ITGA9: variants seen among roughly 807,000 people sequenced by gnomAD.
ITGA9 encodes the protein integrin subunit alpha 9, also known as integrin alpha-9.
A neutral mutation model predicts 127.8 loss-of-function variants in ITGA9; 56 were observed. That is an observed-to-expected ratio of 0.44 (90% confidence interval 0.35 to 0.55). ITGA9 has a LOEUF of 0.55. Ranked by LOEUF, ITGA9 falls within the 20% of genes least tolerant of loss-of-function variation. The pLI, the probability that ITGA9 is intolerant of heterozygous loss-of-function variation, is 0.00. For synonymous variants in ITGA9, 508 were observed against 514.5 expected (o/e 0.99, Z 0.17); for missense variants, 1,196 against 1,347.1 (o/e 0.89, Z 1.76).
chr3:37,750,052 C>T (rs935186846), intron 22 of ITGA9, among the ~76,000 whole-genome samples: 1 of 150,506 alleles, frequency 6.6e-6, no homozygotes, highest in Admixed American at 6.6e-5. Flanking sequence ...CCATACCCCC[C>T]CACCAAAATG....
Position 37,787,769 on chromosome 3 carries a change from T to G in ITGA9, c.2889+2691T>G, listed in dbSNP as rs188964665. 3.4e-4 allele frequency among the ~76,000 whole-genome samples: 52 copies of G among 152,348 alleles called. No individual in the cohort carries two copies. In the East Asian group the frequency reaches 9.8e-3, roughly 29 times the overall value. On this transcript the variant is annotated intron_variant, in intron 26 of 27. Transcript: ENST00000264741. ...ATTTCCATAGAGCCTCGCCACCAAA[T>G]TTAAATTAGGCAAAGTTTCAAAGAT...
At chr3:37,735,493 C>T (rs1696348901) in intron 19 of ITGA9, among the ~76,000 whole-genome samples, 1 of 152,214 alleles carries the variant, frequency 6.6e-6, no homozygotes, top group African/African-American at 2.4e-5. Flanking sequence ...TAGACCATTG[C>T]CTAGAATTCA....
chr3:37,815,712 C>CA (rs897352908), intron 27 of ITGA9, among the ~76,000 whole-genome samples: 3 of 151,736 alleles, frequency 2.0e-5, no homozygotes, highest in Non-Finnish European at 2.9e-5. Flanking sequence ...ATTAAGTCAG[C>CA]AAAAAAAATA....
chr3:37,775,660 AG>A (rs1290150164), intron 23 of ITGA9, among the ~76,000 whole-genome samples: 8 of 145,432 alleles, frequency 5.5e-5, no homozygotes, highest in African/African-American at 1.5e-4. Context: ...AAAAAAAAAA[AG>A]CAAAAGTCAA....
chr3:37,667,313 CT>C (rs1700595692), intron 17 of ITGA9, among the ~76,000 whole-genome samples: 1 of 152,178 alleles, frequency 6.6e-6, no homozygotes, highest in African/African-American at 2.4e-5. Context: ...CGTCTGGACC[CT>C]TTTTTCCCCT....
chr3:37,703,037 TG>T (rs748036414), intron 18 of ITGA9, among the ~76,000 whole-genome samples: 1 of 152,180 alleles, frequency 6.6e-6, no homozygotes, highest in Non-Finnish European at 1.5e-5. Context: ...ACTCCCTTAC[TG>T]GTCTCCCTGG....
intron 17 of ITGA9, among the ~76,000 whole-genome samples, chr3:37,675,000 C>T (rs1342726240): frequency 6.6e-6 from 1 of 152,210 alleles, no homozygotes; most frequent in Non-Finnish European, 1.5e-5. Flanking sequence ...AGTGACAGGC[C>T]TCACTCACTG....
chr3:37,739,808 G>T (rs528379345), intron 20 of ITGA9, among the ~76,000 whole-genome samples: 1 of 152,276 alleles, frequency 6.6e-6, no homozygotes, highest in East Asian at 1.9e-4. Context: ...GACCTGGCAG[G>T]ATGCTGGGGT....
At chr3:37,510,364 G>A (rs993543405) in intron 8 of ITGA9, among the ~76,000 whole-genome samples, 1 of 151,990 alleles carries the variant, frequency 6.6e-6, no homozygotes, top group Admixed American at 6.6e-5. Context: ...TTGTAGCTGT[G>A]CCCCCCCAAA....
intron 22 of ITGA9, among the ~76,000 whole-genome samples, chr3:37,746,655 T>G (rs921617769): frequency 1.3e-5 from 2 of 149,782 alleles, no homozygotes; most frequent in Admixed American, 6.7e-5. Context: ...AGGATGTTTC[T>G]TTTTAATTCT....
chr3:37,514,254 A>G (rs1698962782), intron 9 of ITGA9, among the ~76,000 whole-genome samples: 1 of 152,206 alleles, frequency 6.6e-6, no homozygotes, highest in Non-Finnish European at 1.5e-5. Context: ...CAGAGAGGTT[A>G]GGTAATGTGT....
intron 18 of ITGA9, among the ~76,000 whole-genome samples, chr3:37,707,456 T>C (rs796116650): frequency 1.2e-4 from 19 of 152,344 alleles, no homozygotes; most frequent in African/African-American, 4.6e-4. Flanking sequence ...TGCAGTACCC[T>C]CAAGTACTTT....
At chr3:37,691,061 C>T (rs1410117299) in intron 18 of ITGA9, among the ~76,000 whole-genome samples, 1 of 152,140 alleles carries the variant, frequency 6.6e-6, no homozygotes, top group African/African-American at 2.4e-5. Flanking sequence ...AGTACTCCTG[C>T]CCTCCCATAT....
chr3:37,576,174 G>C (rs531637104), intron 15 of ITGA9, among the ~76,000 whole-genome samples: 27 of 152,314 alleles, frequency 1.8e-4, no homozygotes, highest in South Asian at 1.2e-3. Context: ...TCATCCTCCA[G>C]GGAGGACATA....
chr3:37,633,810 A>G (rs1232044834), intron 16 of ITGA9, among the ~76,000 whole-genome samples: 1 of 151,930 alleles, frequency 6.6e-6, no homozygotes, highest in Non-Finnish European at 1.5e-5. Flanking sequence ...CCTGCAGCTC[A>G]CTCCCACTGC....
At chr3:37,742,274 C>G (rs1422798042) in intron 21 of ITGA9, among the ~76,000 whole-genome samples, 1 of 152,166 alleles carries the variant, frequency 6.6e-6, no homozygotes, top group Non-Finnish European at 1.5e-5. Context: ...GCTCCACAGG[C>G]AGTGCTGGCT....
At chr3:37,709,583 G>C (rs915362839) in intron 18 of ITGA9, among the ~76,000 whole-genome samples, 3 of 152,228 alleles carry the variant, frequency 2.0e-5, no homozygotes, top group African/African-American at 7.2e-5. Flanking sequence ...GCAGCATTGC[G>C]GGAGGGCTCT....
chr3:37,672,791 A>G (rs1700649433), intron 17 of ITGA9, among the ~76,000 whole-genome samples: 1 of 152,164 alleles, frequency 6.6e-6, no homozygotes, highest in Non-Finnish European at 1.5e-5. Flanking sequence ...CAGAAATACC[A>G]ATTTTTATTA....
intron 15 of ITGA9, among the ~76,000 whole-genome samples, chr3:37,544,617 G>T (rs1017217538): frequency 2.0e-5 from 3 of 152,186 alleles, no homozygotes; most frequent in African/African-American, 7.2e-5. Context: ...AGAGTTTGGA[G>T]GCTGAGCTCA....
Sources: allele counts gnomAD v4.1 joint callset (sites outside exome capture counted in the v4.1 genomes callset), GRCh38; gene constraint gnomAD v4.1.1; transcripts MANE v1.5; gene names NCBI Gene and HGNC (gene_info 2026-07-23, HGNC 2026-07-21).